Variants in DSPP observed in about 807,000 individuals in gnomAD.
DSPP encodes the protein dentin sialophosphoprotein.
Under a neutral mutation model 29.1 loss-of-function variants are expected in DSPP, and 28 were observed. The ratio of observed to expected loss-of-function variants is 0.96; its 90% CI spans 0.71 to 1.32. The LOEUF is 1.32. Among genes scored for constraint, DSPP ranks in the 40% most tolerant of loss-of-function variants. The probability of loss-of-function intolerance (pLI) is 0.00; values close to 1 mark genes in which losing one functional copy is unlikely to be tolerated. For synonymous variants in DSPP, 481 were observed against 503.4 expected, an observed-to-expected ratio of 0.96 and a Z score of 0.60; for missense variants, 1,281 against 1,629.9, an observed-to-expected ratio of 0.79 and a Z score of 3.69.
rs1311849934 is a variant in DSPP at position 87,616,856 on chromosome 4, T to C, written c.*288T>C. ...CATAAAAGAACAATTAAAATATTCTTTAATACTTCACACAGAAACCTCAAG... is the reference window on the plus strand; with the variant it reads ...CATAAAAGAACAATTAAAATATTCTCTAATACTTCACACAGAAACCTCAAG... On this transcript the variant is annotated 3_prime_UTR_variant, in exon 5 of 5. Coordinates refer to ENST00000651931, the MANE Select transcript of DSPP (RefSeq NM_014208.3). 12 of 603,184 alleles carry C rather than the reference T, an allele frequency of 2.0e-5. No individual in the cohort carries two copies. In the African/African-American group the frequency reaches 2.0e-4, roughly 10 times the overall value. 37.4% of individuals were successfully genotyped at this position (603,184 alleles called of 1,614,324 possible).
In DSPP at chr4:87,616,693, T is replaced by C. The variant is rs1022145598; in HGVS notation, c.*125T>C. 6.8e-7 allele frequency: 1 copy of C among 1,473,864 alleles called. No homozygotes were observed. The highest frequency in any genetic ancestry group is 1.4e-5 in the African/African-American group (1 of 70,958). The allele number at this position is 1,473,864 out of a possible 1,614,324, so 91.3% of individuals were successfully genotyped here. ...TAAGACGTATGTAAACAAAAACAAC[T>C]GGGGGAATCAAATCAAACAGTTGGA... On this transcript the variant is annotated 3_prime_UTR_variant, in exon 5 of 5. Transcript: ENST00000651931.
chr4:87,616,265 C>CAGTGATAGTAGTGAT lies in DSPP; in HGVS notation c.3605_3606insTGATAGTAGTGATAG (p.Asp1203_Ser1207dup). The CAGTGATAGTAGTGAT allele has an allele frequency of 1.4e-6, 2 of 1,397,618 alleles. 1 individual carries two copies. The highest frequency in any genetic ancestry group is 1.9e-6 in the Non-Finnish European group (2 of 1,046,944). The allele number at this position is 1,397,618 out of a possible 1,614,324, so 86.6% of individuals were successfully genotyped here. On this transcript the variant is annotated inframe_insertion, in exon 5 of 5. Transcript: ENST00000651931. ...GCGACAGCAGCGATAGCAGCGACAG[C>CAGTGATAGTAGTGAT]AGCGATAGTAGTGATAGCAGTGACA...
In DSPP at chr4:87,615,914, CAGTGATAGCAGTGACAGCAGCAAT is replaced by C; in HGVS notation, c.3255_3278del (p.Asp1086_Ser1093del). ...GCGACAGCAGTGATAGCAGTGAAAG[CAGTGATAGCAGTGACAGCAGCAAT>C]AGCAGTGACAGCAGCGATAGCAGCG... On this transcript the variant is annotated inframe_deletion, in exon 5 of 5. Coordinates refer to ENST00000651931, the MANE Select transcript of DSPP (RefSeq NM_014208.3). 9.8e-7 allele frequency: 1 copy of C among 1,021,414 alleles called. No individual in the cohort carries two copies. Among genetic ancestry groups the C allele is most frequent in the Admixed American group, 3.3e-5 (1 of 30,756 alleles). The allele number at this position is 1,021,414 out of a possible 1,614,324, so 63.3% of individuals were successfully genotyped here.
At chr4:87,610,214 A>G (rs1487517117) in intron 1 of DSPP, among the ~76,000 whole-genome samples, 1 of 152,194 alleles carries the variant, frequency 6.6e-6, no homozygotes, top group Non-Finnish European at 1.5e-5. Context: ...ATAAAAAGGA[A>G]AGAGATACCA....
Position 87,613,194 on chromosome 4 carries a change from T to C in DSPP, c.1008T>C (p.Asn336=). 1 of 1,613,882 alleles carries C rather than the reference T, an allele frequency of 6.2e-7. No homozygotes were observed. ...ATTCTGCTGGTATTCCAGAAGACAA[T>C]GGCAGCCAAAGAATAGAGGACACCC... ...EENSAGIPED[N]GSQRIEDTQK... Residue 336 remains asparagine (N), a synonymous_variant, in exon 4 of 5, where the codon AAT becomes AAC. Transcript: ENST00000651931.
intron 4 of DSPP, 136 bp downstream of exon 4, chr4:87,613,444 C>A: frequency 1.8e-6 from 2 of 1,099,658 alleles, no homozygotes; most frequent in Non-Finnish European, 2.7e-6. Context: ...TTAAGGAAAT[C>A]TAGAGTCCTT....
At chr4:87,613,356 C>T (rs756631023) in intron 4 of DSPP, 48 bp downstream of exon 4, 7 of 1,596,258 alleles carry the variant, frequency 4.4e-6, no homozygotes, top group Middle Eastern at 3.3e-4. Flanking sequence ...AAATTCTTCC[C>T]CTCCATCTAT....
rs1463319277 is a variant in DSPP, at chr4:87,616,570, A to C, written c.*2A>C. Reference sequence around the variant, plus strand: ...AACCACTCAACCAGTGATGATTAGAACAAAAGAAAAACCCGTAAGATTCCT... The same window carrying C: ...AACCACTCAACCAGTGATGATTAGACCAAAAGAAAAACCCGTAAGATTCCT... On this transcript the variant is annotated 3_prime_UTR_variant, in exon 5 of 5. Coordinates refer to ENST00000651931, the MANE Select transcript of DSPP (RefSeq NM_014208.3). 1 of 1,551,768 alleles carries C rather than the reference A, an allele frequency of 6.4e-7. No individual in the cohort carries two copies. Among genetic ancestry groups the C allele is most frequent in the South Asian group, 1.2e-5 (1 of 84,066 alleles).
In DSPP at chr4:87,613,857, A is replaced by G; in HGVS notation, c.1195A>G (p.Lys399Glu). Residue 399 changes from lysine (K) to glutamate (E), a missense_variant, in exon 5 of 5, where the codon AAA becomes GAA. Coordinates refer to ENST00000651931, the MANE Select transcript of DSPP (RefSeq NM_014208.3). ...AGAAGTTGGGAAAGGCAACGAAGGTAAAGAGGATAAAGGACAACATGGAAT... is the reference window on the plus strand; with the variant it reads ...AGAAGTTGGGAAAGGCAACGAAGGTGAAGAGGATAAAGGACAACATGGAAT... ...TKEVGKGNEGKEDKGQHGMIL... is the reference protein window; with the variant it reads ...TKEVGKGNEGEEDKGQHGMIL... 6.2e-7 allele frequency: 1 copy of G among 1,614,216 alleles called. No individual in the cohort carries two copies. Among genetic ancestry groups the G allele is most frequent in the Non-Finnish European group, 8.5e-7 (1 of 1,180,032 alleles).
At position 87,615,282 on chromosome 4, in the gene DSPP, A is replaced by G; in HGVS notation, c.2620A>G (p.Ser874Gly). 6.6e-7 allele frequency: 1 copy of G among 1,513,138 alleles called. No homozygotes were observed. The highest frequency in any genetic ancestry group is 8.9e-7 in the Non-Finnish European group (1 of 1,128,972). The allele number at this position is 1,513,138 out of a possible 1,614,324, so 93.7% of individuals were successfully genotyped here. Residue 874 changes from serine to glycine, a missense_variant, in exon 5 of 5, where the codon AGC becomes GGC. Around this residue, in one of 4 missense-constraint regions of DSPP, gnomAD observed 444 missense variants for 611.4 expected, o/e 0.73. Transcript: ENST00000651931. ...SSDSSDSSDS[S>G]NSSDSSDSSD... ...TGACAGCAGCGATAGCAGTGACAGC[A>G]GCAACAGCAGTGACAGCAGTGATAG...
rs201380040 is a variant in DSPP at position 87,612,451 on chromosome 4, G to C, written c.265G>C (p.Gly89Arg). The change falls in exon 4 of 5, where the codon GGA becomes CGA. Residue 89 changes from glycine (G) to arginine (R), a missense_variant. Physicochemically the swap from Gly to Arg is moderately radical, Grantham distance 125. This residue lies in a region of DSPP where 631 missense variants were observed against 643.2 expected (regional missense o/e 0.98). Coordinates refer to ENST00000651931, the MANE Select transcript of DSPP (RefSeq NM_014208.3). ...GAATGGCTCTAAGTGGGCAGAAGTAGGAGGGAAGAGTTTTTCTACATATTC... is the reference window on the plus strand; with the variant it reads ...GAATGGCTCTAAGTGGGCAGAAGTACGAGGGAAGAGTTTTTCTACATATTC... ...EGNGSKWAEV[G>R]GKSFSTYSTL... The C allele has an allele frequency of 4.8e-5, 77 of 1,613,866 alleles. 1 individual carries two copies. Among genetic ancestry groups the C allele is most frequent in the Non-Finnish European group, 5.9e-6 (7 of 1,179,934 alleles).
At position 87,614,547 on chromosome 4, in the gene DSPP, T is replaced by C. The variant is rs1727814381; in HGVS notation, c.1885T>C (p.Ser629Pro). The C allele has an allele frequency of 1.3e-6, 2 of 1,535,578 alleles. No homozygotes were observed. The highest frequency in any genetic ancestry group is 1.8e-6 in the Non-Finnish European group (2 of 1,142,642). The change falls in exon 5 of 5, where the codon TCA becomes CCA. Residue 629 changes from serine (S) to proline (P), a missense_variant. Physicochemically the swap from Ser to Pro is moderately conservative, Grantham distance 74 (BLOSUM62 -1). This residue lies in a region of DSPP where 444 missense variants were observed against 611.4 expected (regional missense o/e 0.73). Coordinates refer to ENST00000651931, the MANE Select transcript of DSPP (RefSeq NM_014208.3). ...SSDSKSDSSK[S>P]ESDSSDSDSK... ...TGACAGCAAGTCAGACAGCAGCAAA[T>C]CAGAGAGCGACAGCAGTGATAGTGA...
chr4:87,612,531 A>G lies in DSPP; in HGVS notation c.345A>G (p.Lys115=), dbSNP rs757487110. Residue 115 remains lysine (K), a synonymous_variant, in exon 4 of 5, where the codon AAA becomes AAG. Coordinates refer to ENST00000651931, the MANE Select transcript of DSPP (RefSeq NM_014208.3). ...NIEGWNGDTG[K]AETYGHDGIH... is the part of the protein sequence containing the mutation. ...AGGGCTGGAATGGGGACACAGGAAA[A>G]GCAGAAACATATGGTCATGATGGAA... 2.5e-6 allele frequency: 4 copies of G among 1,614,106 alleles called. No individual in the cohort carries two copies. Among genetic ancestry groups the G allele is most frequent in the Non-Finnish European group, 2.5e-6 (3 of 1,179,956 alleles).
rs1727838323 is a variant in DSPP at position 87,614,985 on chromosome 4, G to A, written c.2323G>A (p.Asp775Asn). ...SDSSDSSDSS[D>N]SSDSSNSSDS... ...CAGCAGTGATAGCAGTGACAGCAGT[G>A]ATAGTAGTGACAGCAGCAACAGCAG... The change falls in exon 5 of 5, where the codon GAT (aspartate) becomes AAT (asparagine). Residue 775 changes from aspartate to asparagine, a missense_variant. Asp to Asn is a conservative substitution (Grantham distance 23, BLOSUM62 1). Coordinates refer to ENST00000651931, the MANE Select transcript of DSPP (RefSeq NM_014208.3). 3.9e-6 allele frequency: 6 copies of A among 1,549,520 alleles called. No individual in the cohort carries two copies. Among genetic ancestry groups the A allele is most frequent in the Non-Finnish European group, 5.2e-6 (6 of 1,146,626 alleles).
At position 87,611,350 on chromosome 4, in the gene DSPP, C is replaced by T. The variant is rs540307481; in HGVS notation, c.51+391C>T. ...ATACTCTGTGAATTTCATTCTAATA[C>T]GAACAAAGTCTGTGCTGTTTAGGAA... is the stretch of plus-strand genomic sequence containing the variant. On this transcript the variant is annotated intron_variant, in intron 2 of 4. Coordinates refer to ENST00000651931, the MANE Select transcript of DSPP (RefSeq NM_014208.3). Among the ~76,000 whole-genome samples the T allele has an allele frequency of 2.2e-4, 33 of 152,076 alleles. No individual in the cohort carries two copies. In the East Asian group the frequency reaches 3.9e-3, roughly 18 times the overall value.
Position 87,614,796 on chromosome 4 carries a change from A to G in DSPP, c.2134A>G (p.Ser712Gly). 1 of 1,550,956 alleles carries G rather than the reference A, an allele frequency of 6.4e-7. No individual in the cohort carries two copies. Among genetic ancestry groups the G allele is most frequent in the East Asian group, 2.4e-5 (1 of 40,882 alleles). Residue 712 changes from serine (S) to glycine (G), a missense_variant, in exon 5 of 5, where the codon AGC becomes GGC. Around this residue, in one of 4 missense-constraint regions of DSPP, gnomAD observed 444 missense variants for 611.4 expected, o/e 0.73. Transcript: ENST00000651931. ...SDSSDSSDSD[S>G]SDSSDSSNSN... is the part of the protein sequence containing the mutation. ...TAGTAGTGACAGCAGTGATAGTGACAGCAGTGATAGTAGTGACAGCAGTAA... is the reference window on the plus strand; with the variant it reads ...TAGTAGTGACAGCAGTGATAGTGACGGCAGTGATAGTAGTGACAGCAGTAA...
intron 1 of DSPP, among the ~76,000 whole-genome samples, chr4:87,610,596 C>A (rs1172399026): frequency 6.6e-6 from 1 of 152,078 alleles, no homozygotes; most frequent in Non-Finnish European, 1.5e-5. Flanking sequence ...TTTTTACACC[C>A]AAGAATTGCA....
chr4:87,610,801 G>A, intron 1 of DSPP, 80 bp from the exon 2 acceptor site: 1 of 958,342 alleles, frequency 1.0e-6, no homozygotes, highest in South Asian at 1.4e-5. Flanking sequence ...AAGGGCAAAT[G>A]CTTACACATC....
Position 87,613,889 on chromosome 4 carries a change from G to A in DSPP, c.1227G>A (p.Leu409=), listed in dbSNP as rs762312327. The change falls in exon 5 of 5, where the codon TTG becomes TTA. Residue 409 remains leucine (L), a synonymous_variant. Coordinates refer to ENST00000651931, the MANE Select transcript of DSPP (RefSeq NM_014208.3). ...KEDKGQHGMI[L]GKGNVKTQGE... is the part of the protein sequence containing the mutation. ...ATAAAGGACAACATGGAATGATCTT[G>A]GGCAAAGGCAATGTCAAGACACAAG... 3.1e-6 allele frequency: 5 copies of A among 1,614,182 alleles called. No individual in the cohort carries two copies. The highest frequency in any genetic ancestry group is 1.3e-5 in the African/African-American group (1 of 75,048).
Sources: gnomAD v4.1 joint callset for allele counts (sites outside exome capture counted in the v4.1 genomes callset) on GRCh38, gnomAD v4.1.1 for gene constraint, gnomAD v4.1.1 regional missense constraint, MANE v1.5 for transcripts, NCBI Gene and HGNC (gene_info 2026-07-23, HGNC 2026-07-21) for gene names.